The following PTOV1 variants were observed in gnomAD, a reference collection of about 807,000 sequenced individuals.
PTOV1 encodes the protein prostate tumor-overexpressed gene 1 protein.
PTOV1 carries 20 observed loss-of-function variants against 58.0 expected under a neutral mutation model. The ratio of observed to expected loss-of-function variants is 0.34; its 90% CI spans 0.24 to 0.50. The LOEUF (loss-of-function observed/expected upper bound fraction) is 0.50, where lower values mean the gene tolerates loss of function less well. PTOV1 is among the 20% of genes least tolerant of loss of function. The probability of loss-of-function intolerance (pLI) is 0.98; values close to 1 mark genes in which losing one functional copy is unlikely to be tolerated. For missense variants in PTOV1, 593 were observed against 565.4 expected (o/e 1.05, Z -0.50); for synonymous variants, 335 against 234.2 (o/e 1.43, Z -3.93).
At chr19:49,854,465 C>A (rs779795928) in exon 2 of PTOV1, 2 of 1,612,534 alleles carry the variant, frequency 1.2e-6, no homozygotes, top group Non-Finnish European at 1.7e-6. Flanking sequence ...CTGGGCTCAC[C>A]CTCGGGGGTC....
At chr19:49,854,804 C>T (rs1053562233) in intron 3 of PTOV1, 27 bp from the exon 4 acceptor site, 1 of 1,613,270 alleles carries the variant, frequency 6.2e-7, no homozygotes, top group East Asian at 2.2e-5. Flanking sequence ...ATCAGGGCAG[C>T]CCTTTCTGAC....
chr19:49,854,358 T>C, intron 1 of PTOV1, 48 bp from the exon 2 acceptor site: 1 of 1,575,924 alleles, frequency 6.3e-7, no homozygotes, highest in Non-Finnish European at 8.6e-7. Flanking sequence ...TGCCTGTCCT[T>C]GCAGGCCCCG....
intron 1 of PTOV1, chr19:49,853,245 A>T (rs2074322935): frequency 6.6e-6 from 1 of 152,184 alleles, no homozygotes. Flanking sequence ...TCACCCTTAT[A>T]ATTTGTTTTC....
rs76805311 is a variant in PTOV1, at chr19:49,857,368, G to A, written c.714+238G>A. On this transcript the variant is annotated intron_variant, in intron 6 of 11. Coordinates refer to ENST00000391842, the Ensembl canonical transcript of PTOV1. ...GCGCGGCGGCAGGGAAGCCAGCGGA[G>A]CGGGGAGCTGGGCAGGGGTTGGGAT... 822 of 634,202 alleles carry A rather than the reference G, an allele frequency of 1.3e-3. 4 individuals are homozygous for A. The highest frequency in any genetic ancestry group is 1.0e-2 in the African/African-American group (545 of 54,570). 39.3% of individuals were successfully genotyped at this position (634,202 alleles called of 1,614,324 possible). A position where few individuals can be genotyped will look rare whatever the true frequency, so the allele number is the denominator to read the frequency against.
chr19:49,855,650 C>CG (rs1401293936), intron 5 of PTOV1: 4 of 157,086 alleles, frequency 2.5e-5, no homozygotes, highest in Non-Finnish European at 4.2e-5. Context: ...GACCTGGACC[C>CG]GGGGGGCTGC....
intron 1 of PTOV1, chr19:49,853,239 C>T (rs1428608296): frequency 6.6e-6 from 1 of 152,140 alleles, no homozygotes; most frequent in South Asian, 2.1e-4. Context: ...AATAAATCAC[C>T]CTTATAATTT....
rs148145804 is a variant in PTOV1, at chr19:49,858,625, G to A, written c.1013G>A (p.Ser338Asn). 3.7e-6 allele frequency: 6 copies of A among 1,603,106 alleles called. No homozygotes were observed. In the African/African-American group the frequency reaches 4.0e-5, roughly 11 times the overall value. ...ACCAAGGACCTGGAGACACTGAAGA[G>A]CCTGTGCCGGATCATGGACAATGGC... The change falls in exon 10 of 12, where the codon AGC (serine) becomes AAC (asparagine). Residue 338 changes from serine (S) to asparagine (N), a missense_variant. Coordinates refer to ENST00000391842, the Ensembl canonical transcript of PTOV1.
chr19:49,851,089 C>A (rs1172877008), upstream of PTOV1: 2 of 1,450,472 alleles, frequency 1.4e-6, no homozygotes, highest in Admixed American at 2.4e-5. Context: ...CTCCCCCGCG[C>A]CGCCTTGGTA....
At chr19:49,858,653 C>T (rs764516763) in exon 10 of PTOV1, 40 of 1,592,120 alleles carry the variant, frequency 2.5e-5, no homozygotes, top group East Asian at 6.8e-5. Context: ...ACAATGGCTT[C>T]GTGAGTGGTG....
upstream of PTOV1, chr19:49,850,779 C>T (rs1600346197): frequency 7.0e-7 from 1 of 1,432,310 alleles, no homozygotes; most frequent in East Asian, 2.5e-5. Context: ...AGTGGGTTCC[C>T]TTTCAGTGGG....
chr19:49,854,660 A>G (rs147535884), exon 3 of PTOV1: 190 of 1,613,348 alleles, frequency 1.2e-4, no homozygotes, highest in Non-Finnish European at 1.5e-4. Flanking sequence ...AGAAGCGCAG[A>G]CCCTACTCTG....
At chr19:49,857,502 C>T in intron 6 of PTOV1, 191 bp from the exon 7 acceptor site, 1 of 647,580 alleles carries the variant, frequency 1.5e-6, no homozygotes, top group Non-Finnish European at 2.7e-6. Flanking sequence ...CGGGACCTGT[C>T]TCAGGCCACT....
At chr19:49,856,587 T>G in intron 5 of PTOV1, 1 of 219,716 alleles carries the variant, frequency 4.6e-6, no homozygotes, top group Non-Finnish European at 9.2e-6. Context: ...AAGCAGGAGG[T>G]GGCTGGTGTT....
intron 9 of PTOV1, 134 bp downstream of exon 9, chr19:49,858,248 G>T (rs75297181): frequency 3.5e-5 from 41 of 1,169,724 alleles, no homozygotes; most frequent in Non-Finnish European, 4.9e-5. Context: ...TGAAGCAGGT[G>T]TGGTGGGTAG....
chr19:49,858,480 C>A (rs764226428), intron 9 of PTOV1, 69 bp from the exon 10 acceptor site: 1 of 1,313,558 alleles, frequency 7.6e-7, no homozygotes, highest in Non-Finnish European at 1.1e-6. Context: ...CCGGGGGACT[C>A]AGCGGGCTGG....
At chr19:49,855,208 AC>A (rs1952098856) in intron 5 of PTOV1, 131 bp downstream of exon 5, 1 of 839,540 alleles carries the variant, frequency 1.2e-6, no homozygotes, top group Non-Finnish European at 1.9e-6. Context: ...GGCCTCTCGG[AC>A]CCCATCTGGA....
chr19:49,854,661 C>G (rs752525642), exon 3 of PTOV1: 2 of 1,613,524 alleles, frequency 1.2e-6, no homozygotes, highest in African/African-American at 2.7e-5. Context: ...GAAGCGCAGA[C>G]CCTACTCTGA....
chr19:49,860,460 A>G, exon 12 of PTOV1: 1 of 956,744 alleles, frequency 1.0e-6, no homozygotes, highest in Non-Finnish European at 1.5e-6. Flanking sequence ...CAGCAGTCCC[A>G]GCGGTCCTAG....
Position 49,858,638 on chromosome 19 carries a change from C to A in PTOV1, c.1026C>A (p.Ile342=), listed in dbSNP as rs376020024. ...AGACACTGAAGAGCCTGTGCCGGAT[C>A]ATGGACAATGGCTTCGTGAGTGGTG... The change falls in exon 10 of 12, where the codon ATC becomes ATA. Residue 342 remains isoleucine (I), a synonymous_variant. Coordinates refer to ENST00000391842, the Ensembl canonical transcript of PTOV1. 1.6e-5 allele frequency: 25 copies of A among 1,600,552 alleles called. No homozygotes were observed. The African/African-American group carries it at 2.1e-4, about 14-fold the overall frequency.
Sources: allele counts gnomAD v4.1 joint callset, GRCh38; gene constraint gnomAD v4.1.1; transcripts MANE v1.5; gene names NCBI Gene and HGNC (gene_info 2026-07-23, HGNC 2026-07-21).